The following CD47 variants were observed in gnomAD, a reference collection of about 807,000 sequenced individuals.
CD47 encodes the protein CD47 molecule.
CD47 carries 11 observed loss-of-function variants against 44.6 expected under a neutral mutation model. That is an observed-to-expected ratio of 0.25 (90% CI 0.16 to 0.41). CD47 has a LOEUF of 0.41. Ranked by LOEUF, CD47 falls within the 10% of genes least tolerant of loss-of-function variation. The pLI, the probability that CD47 is intolerant of heterozygous loss-of-function variation, is 1.00. For missense variants in CD47, 306 were observed against 386.7 expected, an observed-to-expected ratio of 0.79 and a Z score of 1.75; for synonymous variants, 140 against 136.3, an observed-to-expected ratio of 1.03 and a Z score of -0.19.
In CD47 at chr3:108,043,918, A is replaced by G. The variant is rs1179323006; in HGVS notation, c.*3370T>C. On this transcript the variant is annotated 3_prime_UTR_variant, in exon 11 of 11. Transcript: ENST00000361309. The stretch of plus-strand genomic sequence containing the variant: ...CCTGGATTATCCCTATTAGTCACTG[A>G]AAATGACCTAACAAAGGACCCCAGC... 2 of 152,674 alleles carry G rather than the reference A, an allele frequency of 1.3e-5. No homozygotes were observed. The highest frequency in any genetic ancestry group is 2.9e-5 in the Non-Finnish European group (2 of 68,038). 9.5% of individuals were successfully genotyped at this position (152,674 alleles called of 1,614,324 possible).
intron 2 of CD47, among the ~76,000 whole-genome samples, chr3:108,078,483 T>C (rs2079353110): frequency 6.6e-6 from 1 of 151,994 alleles, no homozygotes; most frequent in Non-Finnish European, 1.5e-5. Flanking sequence ...TGTTCCCCCA[T>C]ATCTTATTCT....
chr3:108,056,250 A>G (rs1228645671), intron 7 of CD47, among the ~76,000 whole-genome samples: 3 of 152,232 alleles, frequency 2.0e-5, no homozygotes, highest in Non-Finnish European at 4.4e-5. Context: ...TTATGGCATT[A>G]TGTGGTATAA....
At chr3:108,066,281 C>T (rs1290760013) in intron 3 of CD47, among the ~76,000 whole-genome samples, 1 of 152,022 alleles carries the variant, frequency 6.6e-6, no homozygotes, top group East Asian at 1.9e-4. Flanking sequence ...GCCTAGAATA[C>T]AGTTTTAAAT....
intron 1 of CD47, among the ~76,000 whole-genome samples, chr3:108,085,195 C>T (rs2079496120): frequency 6.6e-6 from 1 of 152,108 alleles, no homozygotes; most frequent in Non-Finnish European, 1.5e-5. Flanking sequence ...TGCCTTAGCA[C>T]ATACTGTTCC....
intron 1 of CD47, among the ~76,000 whole-genome samples, chr3:108,085,273 T>C (rs191146085): frequency 1.8e-4 from 28 of 152,210 alleles, no homozygotes; most frequent in South Asian, 6.2e-4. Context: ...TGTATAATAG[T>C]TAAGTGCACA....
chr3:108,073,434 C>T (rs1232781266), intron 2 of CD47, among the ~76,000 whole-genome samples: 1 of 151,976 alleles, frequency 6.6e-6, no homozygotes, highest in Non-Finnish European at 1.5e-5. Context: ...TGCAGAGGAC[C>T]CTGAGTGTGC....
rs755693988 is a variant in CD47 at position 108,080,301 on chromosome 3, G to T, written c.90C>A (p.Phe30Leu). Residue 30 changes from phenylalanine to leucine, a missense_variant, in exon 2 of 11, where the codon TTC (phenylalanine) becomes TTA (leucine). Around this residue, in one of 5 missense-constraint regions of CD47, gnomAD observed 38 missense variants for 42.7 expected, o/e 0.89. Coordinates refer to ENST00000361309, the MANE Select transcript of CD47 (RefSeq NM_001777.4). Reference sequence around the variant, plus strand: ...TGACGACAGTGTCATTACAAAACGTGAATTCTACAGATTTTGTTTTATTAA... The same window carrying T: ...TGACGACAGTGTCATTACAAAACGTTAATTCTACAGATTTTGTTTTATTAA... Reference protein sequence around the residue: ...LLFNKTKSVEFTFCNDTVVIP... With the variant: ...LLFNKTKSVELTFCNDTVVIP... The T allele has an allele frequency of 3.7e-6, 6 of 1,610,266 alleles. No individual in the cohort carries two copies. In the South Asian group the frequency reaches 6.6e-5, roughly 18 times the overall value.
chr3:108,065,163 A>G (rs2079081462), intron 3 of CD47, among the ~76,000 whole-genome samples: 1 of 152,230 alleles, frequency 6.6e-6, no homozygotes, highest in African/African-American at 2.4e-5. Flanking sequence ...ATGAATACTG[A>G]CTAGACATCA....
chr3:108,069,576 A>G (rs1421656117), intron 3 of CD47, among the ~76,000 whole-genome samples: 2 of 150,522 alleles, frequency 1.3e-5, no homozygotes, highest in East Asian at 3.9e-4. Context: ...GATATGTATG[A>G]CTTTTTTAAG....
At position 108,065,944 on chromosome 3, in the gene CD47, T is replaced by C. The variant is rs980375150; in HGVS notation, c.491-5092A>G. ...ATAATATTTATTGTATATTTTACTTTCTTGGATGGAAATTTCCTAGTCCAA... is the reference window on the plus strand; with the variant it reads ...ATAATATTTATTGTATATTTTACTTCCTTGGATGGAAATTTCCTAGTCCAA... On this transcript the variant is annotated intron_variant, in intron 3 of 10. Coordinates refer to ENST00000361309, the MANE Select transcript of CD47 (RefSeq NM_001777.4). Among the ~76,000 whole-genome samples the C allele has an allele frequency of 3.9e-5, 6 of 152,122 alleles. 1 individual carries two copies. Among genetic ancestry groups the C allele is most frequent in the Admixed American group, 3.3e-4 (5 of 15,270 alleles).
intron 4 of CD47, among the ~76,000 whole-genome samples, chr3:108,060,306 G>C (rs1365796986): frequency 6.6e-6 from 1 of 152,188 alleles, no homozygotes; most frequent in African/African-American, 2.4e-5. Flanking sequence ...CTGAAAGGAG[G>C]AGCTTACCCT....
intron 7 of CD47, among the ~76,000 whole-genome samples, chr3:108,055,023 G>A (rs2078890066): frequency 6.6e-6 from 1 of 152,014 alleles, no homozygotes; most frequent in Non-Finnish European, 1.5e-5. Context: ...TTAAGTTATT[G>A]TGCCCAGTCC....
chr3:108,057,460 A>G lies in CD47; in HGVS notation c.877+17T>C. On this transcript the variant is annotated intron_variant, in intron 7 of 10. Transcript: ENST00000361309. ...TGAAATTATTGGCATAGGTTAATGAAAATAAGATTGACTTACCCACAAATT... is the reference window on the plus strand; with the variant it reads ...TGAAATTATTGGCATAGGTTAATGAGAATAAGATTGACTTACCCACAAATT... The G allele has an allele frequency of 8.5e-7, 1 of 1,183,234 alleles. No homozygotes were observed. Among genetic ancestry groups the G allele is most frequent in the Non-Finnish European group, 1.3e-6 (1 of 791,706 alleles). 73.3% of individuals were successfully genotyped at this position (1,183,234 alleles called of 1,614,324 possible).
chr3:108,065,365 A>G (rs1289756009), intron 3 of CD47, among the ~76,000 whole-genome samples: 1 of 152,204 alleles, frequency 6.6e-6, no homozygotes, highest in East Asian at 1.9e-4. Context: ...GGGTCAAGGG[A>G]TTTCTACAAA....
chr3:108,065,881 CA>C (rs2079098735), intron 3 of CD47, among the ~76,000 whole-genome samples: 1 of 144,502 alleles, frequency 6.9e-6, no homozygotes, highest in Non-Finnish European at 1.5e-5. Flanking sequence ...GTCTTATTAC[CA>C]GGGGCCATCA....
chr3:108,056,566 A>C (rs1367453123), intron 7 of CD47, among the ~76,000 whole-genome samples: 1 of 152,058 alleles, frequency 6.6e-6, no homozygotes, highest in Non-Finnish European at 1.5e-5. Context: ...CAGAAACACT[A>C]TTTTTTTACT....
chr3:108,057,056 T>A (rs957709563), intron 7 of CD47, among the ~76,000 whole-genome samples: 6 of 152,140 alleles, frequency 3.9e-5, no homozygotes, highest in African/African-American at 1.4e-4. Flanking sequence ...AACAAACAGG[T>A]CTGTGCAGGA....
chr3:108,080,405 G>A, intron 1 of CD47, 61 bp from the exon 2 acceptor site: 1 of 834,824 alleles, frequency 1.2e-6, no homozygotes, highest in Non-Finnish European at 1.9e-6. Context: ...AAGATCTTAG[G>A]CATGTTACAA....
chr3:108,056,164 A>G (rs970411543), intron 7 of CD47, among the ~76,000 whole-genome samples: 2 of 152,226 alleles, frequency 1.3e-5, no homozygotes, highest in African/African-American at 4.8e-5. Context: ...CAAAAATAGA[A>G]TATGCACCAA....
Sources: gnomAD v4.1 joint callset for allele counts (sites outside exome capture counted in the v4.1 genomes callset) on GRCh38, gnomAD v4.1.1 for gene constraint, gnomAD v4.1.1 regional missense constraint, MANE v1.5 for transcripts, NCBI Gene and HGNC (gene_info 2026-07-23, HGNC 2026-07-21) for gene names.